KNDC1: variants seen among roughly 807,000 people sequenced by gnomAD.
KNDC1 encodes the protein kinase non-catalytic C-lobe domain-containing protein 1.
A neutral mutation model predicts 172.8 loss-of-function variants in KNDC1; 106 were observed. The observed-to-expected ratio is 0.61, with a 90% CI of 0.52 to 0.72. The LOEUF (loss-of-function observed/expected upper bound fraction) is 0.72. Ranked by LOEUF, KNDC1 falls within the 30% of genes least tolerant of loss-of-function variation. The pLI is 0.00. For synonymous variants in KNDC1, 1,083 were observed against 1,062.2 expected (o/e 1.02, Z -0.38); for missense variants, 2,325 against 2,394.5 (o/e 0.97, Z 0.61).
intron 11 of KNDC1, 127 bp from the exon 12 acceptor site, chr10:133,197,548 C>A: frequency 1.3e-6 from 1 of 759,680 alleles, no homozygotes; most frequent in Non-Finnish European, 2.3e-6. Context: ...GTGTGGCCGC[C>A]ATGCCCGGCT....
chr10:133,212,983 G>T (rs531239003), intron 24 of KNDC1, 61 bp downstream of exon 24: 4 of 1,428,270 alleles, frequency 2.8e-6, no homozygotes, highest in Non-Finnish European at 3.8e-6. Context: ...GAAACACTCC[G>T]CGCCCATAGG....
chr10:133,197,027 T>G (rs759588318), intron 10 of KNDC1, 31 bp from the exon 11 acceptor site: 3 of 1,581,838 alleles, frequency 1.9e-6, no homozygotes, highest in Non-Finnish European at 2.6e-6. Context: ...CTGAGGCCTG[T>G]CGGGACGTGT....
intron 28 of KNDC1, 44 bp downstream of exon 28, chr10:133,219,134 C>G: frequency 6.3e-7 from 1 of 1,593,190 alleles, no homozygotes. Context: ...TCCCCCGAGG[C>G]CCTCTCCTAA....
Position 133,198,511 on chromosome 10 carries a change from C to A in KNDC1, c.2069+12C>A. The A allele has an allele frequency of 6.3e-7, 1 of 1,594,180 alleles. No homozygotes were observed. The highest frequency in any genetic ancestry group is 8.6e-7 in the Non-Finnish European group (1 of 1,166,930). On this transcript the variant is annotated intron_variant, in intron 13 of 29. Coordinates refer to ENST00000304613, the MANE Select transcript of KNDC1 (RefSeq NM_152643.8). Reference sequence around the variant, plus strand: ...GCAAGTGTGGCCAGGTGAGCATCGTCCCCACACCCCGGAGCTGCTGGGTCC... The same window carrying A: ...GCAAGTGTGGCCAGGTGAGCATCGTACCCACACCCCGGAGCTGCTGGGTCC...
Position 133,210,730 on chromosome 10 carries a change from A to AC in KNDC1, c.3908+6_3908+7insC. The stretch of plus-strand genomic sequence containing the variant: ...ATCAACAGCACGCTGACCAGGTACC[A>AC]AGCTCCACAGCTCCACGCCCGCCAG... On this transcript the variant is annotated splice_region_variant and intron_variant, in intron 21 of 29. Coordinates refer to ENST00000304613, the MANE Select transcript of KNDC1 (RefSeq NM_152643.8). 6.2e-7 allele frequency: 1 copy of AC among 1,603,886 alleles called. No homozygotes were observed. Among genetic ancestry groups the AC allele is most frequent in the Non-Finnish European group, 8.5e-7 (1 of 1,170,688 alleles).
At position 133,206,983 on chromosome 10, in the gene KNDC1, C is replaced by T. The variant is rs182488313; in HGVS notation, c.3579+30C>T. 2.4e-3 allele frequency: 3,784 copies of T among 1,598,410 alleles called. 9 individuals carry two copies. The highest frequency in any genetic ancestry group is 2.8e-3 in the Non-Finnish European group (3,254 of 1,165,988). ...GTGGGCTCCGGGCCCCGCTCTGCCC[C>T]GTGAGGCAGTAGCTTCAGACGGGCC... On this transcript the variant is annotated intron_variant, in intron 19 of 29. Transcript: ENST00000304613.
intron 2 of KNDC1, 111 bp downstream of exon 2, chr10:133,167,690 A>G (rs940176384): frequency 8.1e-7 from 1 of 1,234,122 alleles, no homozygotes; most frequent in Non-Finnish European, 1.1e-6. Context: ...GCATGCCCGG[A>G]CCCGGGTTTC....
chr10:133,162,911 C>T (rs932409574), intron 1 of KNDC1, among the ~76,000 whole-genome samples: 9 of 152,270 alleles, frequency 5.9e-5, no homozygotes, highest in African/African-American at 2.2e-4. Flanking sequence ...CCTACCAGAG[C>T]ATCAGCAAGT....
At chr10:133,196,524 C>T (rs528023685) in intron 10 of KNDC1, among the ~76,000 whole-genome samples, 32 of 152,244 alleles carry the variant, frequency 2.1e-4, no homozygotes, top group South Asian at 8.3e-4. Context: ...CAGCCGTCTC[C>T]GCCTCGACTG....
chr10:133,195,450 G>A (rs1034027312), intron 9 of KNDC1, among the ~76,000 whole-genome samples: 2 of 152,198 alleles, frequency 1.3e-5, no homozygotes, highest in African/African-American at 4.8e-5. Context: ...AACCATGGGG[G>A]AGAGTTCGAC....
In KNDC1 at chr10:133,201,674, C is replaced by T. The variant is rs141463252; in HGVS notation, c.3163C>T (p.Arg1055Trp). Residue 1055 changes from arginine to tryptophan, a missense_variant, in exon 17 of 30, where the codon CGG becomes TGG. Transcript: ENST00000304613. ...GCAGCCTGAGGCTGGCGAGGACAGACGGCCAGCTGGCGGGGCCTCAGACGT... is the reference window on the plus strand; with the variant it reads ...GCAGCCTGAGGCTGGCGAGGACAGATGGCCAGCTGGCGGGGCCTCAGACGT... ...AQQPEAGEDRRPAGGASDVEA... is the reference protein window; with the variant it reads ...AQQPEAGEDRWPAGGASDVEA... 2.6e-4 allele frequency: 417 copies of T among 1,612,606 alleles called. 3 individuals carry two copies. The African/African-American group carries it at 4.7e-3, about 18-fold the overall frequency.
rs567311841 is a variant in KNDC1 at position 133,201,755 on chromosome 10, G to A, written c.3244G>A (p.Gly1082Ser). 77 of 1,567,304 alleles carry A rather than the reference G, an allele frequency of 4.9e-5. No homozygotes were observed. Among genetic ancestry groups the A allele is most frequent in the South Asian group, 2.1e-4 (18 of 84,664 alleles). Residue 1082 changes from glycine (G) to serine (S), a missense_variant, in exon 17 of 30, where the codon GGC (glycine) becomes AGC (serine). By Grantham distance (56) the Gly-to-Ser change is moderately conservative. Transcript: ENST00000304613. ...SKGVGPALSP[G>S]PAGFQSCSPG... Reference sequence around the variant, plus strand: ...AGGGGTCGGCCCAGCCTTGTCCCCCGGCCCAGCCGGATTCCAGAGCTGCAG... The same window carrying A: ...AGGGGTCGGCCCAGCCTTGTCCCCCAGCCCAGCCGGATTCCAGAGCTGCAG...
chr10:133,160,491 G>A lies in KNDC1; in HGVS notation c.24G>A (p.Ala8=), dbSNP rs71503783. 442,512 of 1,583,724 alleles carry A rather than the reference G, an allele frequency of 0.28. 63,336 individuals are homozygous for A. The highest frequency in any genetic ancestry group is 0.33 in the Admixed American group (19,065 of 56,994). MQAMDPA[A]ADLYEEDGKD... ...GGATGCAGGCCATGGACCCGGCCGC[G>A]GCGGATCTTTACGAGGAGGACGGCA... is the stretch of plus-strand genomic sequence containing the variant. Residue 8 remains alanine, a synonymous_variant, in exon 1 of 30, where the codon GCG becomes GCA. Coordinates refer to ENST00000304613, the MANE Select transcript of KNDC1 (RefSeq NM_152643.8).
Position 133,167,557 on chromosome 10 carries a change from G to C in KNDC1, c.279G>C (p.Val93=), listed in dbSNP as rs750447936. Residue 93 remains valine (V), a synonymous_variant, in exon 2 of 30, where the codon GTG becomes GTC. Coordinates refer to ENST00000304613, the MANE Select transcript of KNDC1 (RefSeq NM_152643.8). The part of the protein sequence containing the change: ...DTLAFNTSGN[V]CFMEQLSDDP... ...TGGCCTTCAACACCAGCGGGAACGT[G>C]TGTTTCATGGAGCAGCTCAGCGGTG... 8.1e-6 allele frequency: 13 copies of C among 1,598,978 alleles called. No individual in the cohort carries two copies. The highest frequency in any genetic ancestry group is 1.1e-5 in the Non-Finnish European group (13 of 1,173,204).
intron 28 of KNDC1, 123 bp from the exon 29 acceptor site, chr10:133,219,832 A>T: frequency 1.1e-6 from 1 of 935,236 alleles, no homozygotes; most frequent in Non-Finnish European, 1.5e-6. Flanking sequence ...AGAGCCGGGT[A>T]GACCCCGTGC....
At chr10:133,203,004 C>A (rs1369612603) in intron 17 of KNDC1, among the ~76,000 whole-genome samples, 1 of 152,098 alleles carries the variant, frequency 6.6e-6, no homozygotes, top group Non-Finnish European at 1.5e-5. Flanking sequence ...CTCACGGCGT[C>A]CAGCCGGGAG....
chr10:133,167,241 G>A (rs1002605205), intron 1 of KNDC1, 140 bp from the exon 2 acceptor site: 14 of 728,400 alleles, frequency 1.9e-5, no homozygotes, highest in South Asian at 9.2e-5. Flanking sequence ...AAAATGAGAC[G>A]TGGTCTAAAG....
intron 3 of KNDC1, among the ~76,000 whole-genome samples, chr10:133,171,692 C>T (rs1302220927): frequency 6.6e-6 from 1 of 152,164 alleles, no homozygotes; most frequent in Non-Finnish European, 1.5e-5. Context: ...CTCACTGCAG[C>T]CCCAAATTTC....
At chr10:133,185,346 GTGTGGAGTAGGCAGTGTGTACA>G (rs1853862141) in intron 5 of KNDC1, among the ~76,000 whole-genome samples, 3 of 104,632 alleles carry the variant, frequency 2.9e-5, no homozygotes, top group Admixed American at 9.6e-5. Flanking sequence ...AGTGTGTGCA[GTGTGGAGTAGGCAGTGTGTACA>G]GTGTGGAGTA....
Sources: gnomAD v4.1 joint callset for allele counts (sites outside exome capture counted in the v4.1 genomes callset) on GRCh38, gnomAD v4.1.1 for gene constraint, MANE v1.5 for transcripts, NCBI Gene and HGNC (gene_info 2026-07-23, HGNC 2026-07-21) for gene names.